The following ITM2C variants were observed in gnomAD, a reference collection of about 807,000 sequenced individuals.
ITM2C encodes the protein BRICHOS domain containing 2C.
A neutral mutation model predicts 30.0 loss-of-function variants in ITM2C; 20 were observed. The observed-to-expected ratio is 0.67, with a 90% confidence interval of 0.47 to 0.97. The LOEUF (loss-of-function observed/expected upper bound fraction) is 0.97, where lower values mean the gene tolerates loss of function less well. Ranked by LOEUF, ITM2C falls within the 50% of genes least tolerant of loss-of-function variation. The pLI, the probability that ITM2C is intolerant of heterozygous loss-of-function variation, is 0.00. For synonymous variants in ITM2C, 167 were observed against 156.4 expected, an observed-to-expected ratio of 1.07 and a Z score of -0.51; for missense variants, 366 against 371.9, an observed-to-expected ratio of 0.98 and a Z score of 0.13.
chr2:230,866,308 C>T (rs955062893), intron 1 of ITM2C, among the ~76,000 whole-genome samples: 17 of 152,220 alleles, frequency 1.1e-4, no homozygotes, highest in African/African-American at 4.1e-4. Flanking sequence ...TCTGAAGAGT[C>T]TTCCTGAACG....
chr2:230,875,819 C>T lies in ITM2C; in HGVS notation c.450+11C>T. ...CATGACTTCCAGCGGGTGAGGCTGG[C>T]CAGGGCCTGGGGGTGGGGGGTGGGA... On this transcript the variant is annotated intron_variant, in intron 3 of 5. Coordinates refer to ENST00000326427, the MANE Select transcript of ITM2C (RefSeq NM_030926.6). 1 of 1,435,898 alleles carries T rather than the reference C, an allele frequency of 7.0e-7. No individual in the cohort carries two copies. Among genetic ancestry groups the T allele is most frequent in the Non-Finnish European group, 9.2e-7 (1 of 1,082,648 alleles). 88.9% of individuals were successfully genotyped at this position (1,435,898 alleles called of 1,614,324 possible).
chr2:230,869,715 G>T (rs1697117295), intron 1 of ITM2C, among the ~76,000 whole-genome samples: 1 of 152,206 alleles, frequency 6.6e-6, no homozygotes, highest in Non-Finnish European at 1.5e-5. Flanking sequence ...TTCCAGCTGT[G>T]GGGGTCTGCC....
In ITM2C at chr2:230,877,641, A is replaced by T; in HGVS notation, c.712+91A>T. The stretch of plus-strand genomic sequence containing the variant: ...CTAGCCCAGCTGTCAGAGAGCTCAG[A>T]TAGCAGCAGCAATAACAGCTAGCAT... On this transcript the variant is annotated intron_variant, in intron 5 of 5. Coordinates refer to ENST00000326427, the MANE Select transcript of ITM2C (RefSeq NM_030926.6). The surrounding 1 kb of genome is among the most constrained non-coding windows in gnomAD (Gnocchi z 4.8). The T allele has an allele frequency of 7.1e-7, 1 of 1,401,366 alleles. No homozygotes were observed. The highest frequency in any genetic ancestry group is 9.9e-7 in the Non-Finnish European group (1 of 1,007,612). 86.8% of individuals were successfully genotyped at this position (1,401,366 alleles called of 1,614,324 possible).
At chr2:230,872,702 C>G (rs190939626) in intron 1 of ITM2C, among the ~76,000 whole-genome samples, 8 of 152,112 alleles carry the variant, frequency 5.3e-5, no homozygotes, top group Non-Finnish European at 8.8e-5. Flanking sequence ...GACTGCCGGT[C>G]GGTGCCTGTG....
At chr2:230,870,966 A>G (rs766220265) in intron 1 of ITM2C, among the ~76,000 whole-genome samples, 5 of 152,198 alleles carry the variant, frequency 3.3e-5, no homozygotes, top group South Asian at 2.1e-4. Flanking sequence ...TCTGGCCACA[A>G]TGCAGCCTCA....
chr2:230,867,735 T>C (rs1012809510), intron 1 of ITM2C, among the ~76,000 whole-genome samples: 10 of 152,006 alleles, frequency 6.6e-5, no homozygotes, highest in Non-Finnish European at 2.9e-5. Flanking sequence ...TCTTGGCTCA[T>C]TGCAACCTTC....
rs376846378 is a variant in ITM2C, at chr2:230,870,127, C to T, written c.121-3290C>T. ...GGGCTCTGGGTTGAGCCCAGGCTCC[C>T]TGATGCCCCACTGTCCCCAGACAGG... On this transcript the variant is annotated intron_variant, in intron 1 of 5. Coordinates refer to ENST00000326427, the MANE Select transcript of ITM2C (RefSeq NM_030926.6). Among the ~76,000 whole-genome samples the T allele has an allele frequency of 1.8e-4, 28 of 152,366 alleles. 1 individual carries two copies. In the East Asian group the frequency reaches 3.1e-3, roughly 17 times the overall value.
rs1304975213 is a variant in ITM2C at position 230,879,062 on chromosome 2, C to T, written c.*963C>T. Reference sequence around the variant, plus strand: ...GGAATGCACCTTTTTCCCTTTCCTTCTCACTTTTGCATGTTTTTACTGATC... The same window carrying T: ...GGAATGCACCTTTTTCCCTTTCCTTTTCACTTTTGCATGTTTTTACTGATC... On this transcript the variant is annotated 3_prime_UTR_variant, in exon 6 of 6. Coordinates refer to ENST00000326427, the MANE Select transcript of ITM2C (RefSeq NM_030926.6). 2.0e-5 allele frequency: 3 copies of T among 152,642 alleles called. No homozygotes were observed. The highest frequency in any genetic ancestry group is 4.8e-5 in the African/African-American group (2 of 41,442). The allele number at this position is 152,642 out of a possible 1,614,324, so 9.5% of individuals were successfully genotyped here.
At chr2:230,876,118 T>C (rs911888171) in intron 3 of ITM2C, among the ~76,000 whole-genome samples, 1 of 152,140 alleles carries the variant, frequency 6.6e-6, no homozygotes, top group Non-Finnish European at 1.5e-5. Context: ...TCAGCGGGTC[T>C]CTGCAGAGTG....
Position 230,878,411 on chromosome 2 carries a change from G to T in ITM2C, c.*312G>T. ...CACAGCTGCACCGGCAGCCCAAGGG[G>T]AAGGACCGGTTGGGGGAGCCGGGCA... On this transcript the variant is annotated 3_prime_UTR_variant, in exon 6 of 6. Transcript: ENST00000326427. This position sits in a 1 kb window ranked among gnomAD's most constrained non-coding sequence, Gnocchi z 4.5. 1.5e-5 allele frequency: 3 copies of T among 194,620 alleles called. No individual in the cohort carries two copies. The highest frequency in any genetic ancestry group is 2.3e-5 in the African/African-American group (1 of 42,944). 12.1% of individuals were successfully genotyped at this position (194,620 alleles called of 1,614,324 possible).
rs1395827671 is a variant in ITM2C, at chr2:230,879,119, C to G, written c.*1020C>G. On this transcript the variant is annotated 3_prime_UTR_variant, in exon 6 of 6. Coordinates refer to ENST00000326427, the MANE Select transcript of ITM2C (RefSeq NM_030926.6). ...TATGCTAACCGTTCTCAGCCCTGAG[C>G]CTTGGAGAGGAGGGCTGTAACGCCT... is the stretch of plus-strand genomic sequence containing the variant. The G allele has an allele frequency of 6.6e-6, 1 of 152,658 alleles. No individual in the cohort carries two copies. The highest frequency in any genetic ancestry group is 2.4e-5 in the African/African-American group (1 of 41,428). 9.5% of individuals were successfully genotyped at this position (152,658 alleles called of 1,614,324 possible).
chr2:230,871,054 C>G (rs1412632833), intron 1 of ITM2C, among the ~76,000 whole-genome samples: 1 of 152,238 alleles, frequency 6.6e-6, no homozygotes, highest in African/African-American at 2.4e-5. Context: ...AGCACTTGAT[C>G]CTTTACAAAG....
At chr2:230,868,164 G>A (rs145410638) in intron 1 of ITM2C, among the ~76,000 whole-genome samples, 114 of 150,916 alleles carry the variant, frequency 7.6e-4, no homozygotes, top group South Asian at 1.9e-3. Context: ...ACACAAGGAG[G>A]ATTTTGTCTG....
At chr2:230,871,155 G>T (rs943427358) in intron 1 of ITM2C, among the ~76,000 whole-genome samples, 4 of 152,380 alleles carry the variant, frequency 2.6e-5, no homozygotes, top group Non-Finnish European at 5.9e-5. Flanking sequence ...CGAGAAGGGG[G>T]AGGTTGCAGG....
rs545871900 is a variant in ITM2C at position 230,876,635 on chromosome 2, C to T, written c.451-222C>T. ...TAGCTGGGACTACAGGTGCCCACCA[C>T]CACGCCTGGCAAATTTTTTGTATTT... On this transcript the variant is annotated intron_variant, in intron 3 of 5. Coordinates refer to ENST00000326427, the MANE Select transcript of ITM2C (RefSeq NM_030926.6). Among the ~76,000 whole-genome samples the T allele has an allele frequency of 9.8e-5, 15 of 152,346 alleles. No homozygotes were observed. In the South Asian group the frequency reaches 2.3e-3, roughly 23 times the overall value.
At chr2:230,871,321 G>A (rs1394240965) in intron 1 of ITM2C, among the ~76,000 whole-genome samples, 1 of 152,248 alleles carries the variant, frequency 6.6e-6, no homozygotes, top group Non-Finnish European at 1.5e-5. Flanking sequence ...AGCGCCAGAG[G>A]GGCAGGAGGG....
intron 2 of ITM2C, among the ~76,000 whole-genome samples, chr2:230,874,374 G>A (rs1435388771): frequency 1.3e-5 from 2 of 151,652 alleles, no homozygotes; most frequent in African/African-American, 4.8e-5. Context: ...CCCCTGCCCC[G>A]CCCCACTCCC....
chr2:230,877,382 G>A lies in ITM2C; in HGVS notation c.562-18G>A, dbSNP rs201367207. On this transcript the variant is annotated intron_variant, in intron 4 of 5. Coordinates refer to ENST00000326427, the MANE Select transcript of ITM2C (RefSeq NM_030926.6). The surrounding 1 kb of genome is among the most constrained non-coding windows in gnomAD (Gnocchi z 4.8). ...GCCTGAGGGGCCGACTCACTGTGGC[G>A]GCCACCTTGTTTTGCAGAGGGGGAC... 15 of 1,611,502 alleles carry A rather than the reference G, an allele frequency of 9.3e-6. No homozygotes were observed. Among genetic ancestry groups the A allele is most frequent in the East Asian group, 6.7e-5 (3 of 44,844 alleles).
chr2:230,867,401 C>A lies in ITM2C; in HGVS notation c.120+2256C>A, dbSNP rs77431916. On this transcript the variant is annotated intron_variant, in intron 1 of 5. Coordinates refer to ENST00000326427, the MANE Select transcript of ITM2C (RefSeq NM_030926.6). ...CATTTCCTCCTTACCCAGTTTCTGG[C>A]AAGGAGCCAGGCCTCGTCTCCTGCC... Among the ~76,000 whole-genome samples, 937 of 152,300 alleles carry A rather than the reference C, an allele frequency of 6.2e-3. 9 individuals are homozygous for A. Among genetic ancestry groups the A allele is most frequent in the Non-Finnish European group, 8.6e-3 (588 of 68,016 alleles).
Sources: allele counts gnomAD v4.1 joint callset (sites outside exome capture counted in the v4.1 genomes callset), GRCh38; gene constraint gnomAD v4.1.1; non-coding constraint Gnocchi (gnomAD v3.1); transcripts MANE v1.5; gene names NCBI Gene and HGNC (gene_info 2026-07-23, HGNC 2026-07-21).